NTM: variants seen among roughly 807,000 people sequenced by gnomAD.
NTM encodes the protein IgLON family member 2.
A neutral mutation model predicts 42.1 loss-of-function variants in NTM; 13 were observed. The ratio of observed to expected loss-of-function variants is 0.31; its 90% CI spans 0.20 to 0.49. The LOEUF (loss-of-function observed/expected upper bound fraction) is 0.49. Among genes scored for constraint, NTM ranks in the 20% least tolerant of loss-of-function variants. The probability of loss-of-function intolerance (pLI) is 0.99; values close to 1 mark genes in which losing one functional copy is unlikely to be tolerated. For synonymous variants in NTM, 187 were observed against 179.2 expected (o/e 1.04, Z -0.35); for missense variants, 373 against 452.8 (o/e 0.82, Z 1.60).
At chr11:131,487,101 C>G (rs928618590) in intron 1 of NTM, among the ~76,000 whole-genome samples, 1 of 152,222 alleles carries the variant, frequency 6.6e-6, no homozygotes, top group Non-Finnish European at 1.5e-5. Context: ...GGCTCCACCA[C>G]CAGGAGGGCC....
At chr11:132,060,207 C>A (rs1230472288) in intron 2 of NTM, among the ~76,000 whole-genome samples, 1 of 152,220 alleles carries the variant, frequency 6.6e-6, no homozygotes, top group African/African-American at 2.4e-5. Flanking sequence ...AATACATCCA[C>A]CCCCTGGGCT....
intron 2 of NTM, among the ~76,000 whole-genome samples, chr11:132,096,088 A>G (rs934412525): frequency 6.6e-5 from 10 of 152,282 alleles, no homozygotes; most frequent in Admixed American, 5.9e-4. Context: ...CCTCAGTGAC[A>G]GATTCTGTCT....
At chr11:131,852,442 T>G (rs1272997832) in intron 1 of NTM, among the ~76,000 whole-genome samples, 2 of 152,324 alleles carry the variant, frequency 1.3e-5, no homozygotes, top group African/African-American at 2.4e-5. Context: ...ATTTCTTCAC[T>G]GCATTTTGAA....
At chr11:131,436,305 G>C (rs1565498251) in intron 1 of NTM, among the ~76,000 whole-genome samples, 1 of 151,608 alleles carries the variant, frequency 6.6e-6, no homozygotes, top group East Asian at 1.9e-4. Flanking sequence ...GGCCTCATGA[G>C]TTAGGGAGGA....
At chr11:132,008,653 C>G (rs1488160359) in intron 2 of NTM, among the ~76,000 whole-genome samples, 2 of 151,826 alleles carry the variant, frequency 1.3e-5, no homozygotes, top group Non-Finnish European at 2.9e-5. Flanking sequence ...CAAATGCTCC[C>G]CATTTCCCCC....
chr11:131,648,556 A>C (rs1448738616), intron 1 of NTM, among the ~76,000 whole-genome samples: 1 of 152,210 alleles, frequency 6.6e-6, no homozygotes, highest in Non-Finnish European at 1.5e-5. Context: ...ATGAGATGGT[A>C]TCTCATTGTG....
intron 1 of NTM, among the ~76,000 whole-genome samples, chr11:131,841,854 G>T (rs548309600): frequency 1.3e-5 from 2 of 152,306 alleles, no homozygotes; most frequent in African/African-American, 4.8e-5. Context: ...GGGACTGAAA[G>T]AGCGTGTCCC....
At position 132,003,306 on chromosome 11, in the gene NTM, C is replaced by T. The variant is rs910144644; in HGVS notation, c.167+91658C>T. 2.0e-5 allele frequency among the ~76,000 whole-genome samples: 3 copies of T among 150,862 alleles called. No individual in the cohort carries two copies. Among genetic ancestry groups the T allele is most frequent in the Admixed American group, 6.6e-5 (1 of 15,116 alleles). ...TGTTGCCCAGGTTGGAGTGCAGTGA[C>T]GCAATCACAGCTTACTGCAGCCTCA... On this transcript the variant is annotated intron_variant, in intron 2 of 8. Coordinates refer to ENST00000683400, the MANE Select transcript of NTM (RefSeq NM_001352005.2). This position sits in a 1 kb window ranked among gnomAD's most constrained non-coding sequence, Gnocchi z 6.0.
chr11:131,457,431 A>G (rs1237835926), intron 1 of NTM, among the ~76,000 whole-genome samples: 1 of 152,170 alleles, frequency 6.6e-6, no homozygotes, highest in East Asian at 1.9e-4. Flanking sequence ...CAGGTCAGAG[A>G]GAGGCTGGCA....
intron 1 of NTM, among the ~76,000 whole-genome samples, chr11:131,626,247 G>C (rs1387936833): frequency 6.6e-6 from 1 of 152,118 alleles, no homozygotes; most frequent in Non-Finnish European, 1.5e-5. Context: ...TAAGTGTACT[G>C]AGACACTTCT....
At chr11:131,611,148 G>A (rs150077022) in intron 1 of NTM, among the ~76,000 whole-genome samples, 46 of 152,256 alleles carry the variant, frequency 3.0e-4, no homozygotes, top group South Asian at 2.3e-3. Context: ...CTGAAGTGAC[G>A]CTTTGGGTTT....
chr11:132,214,353 T>A (rs925495076), intron 4 of NTM, among the ~76,000 whole-genome samples: 1 of 152,260 alleles, frequency 6.6e-6, no homozygotes, highest in Non-Finnish European at 1.5e-5. Flanking sequence ...GTAAGCTTCC[T>A]GTGCCTGATG....
chr11:131,958,907 T>C (rs1280437269), intron 2 of NTM, among the ~76,000 whole-genome samples: 3 of 152,194 alleles, frequency 2.0e-5, no homozygotes, highest in African/African-American at 7.2e-5. Context: ...CTGTGGCCTA[T>C]TCAAGAATGG....
At chr11:132,316,015 G>A (rs2095419344) in intron 7 of NTM, among the ~76,000 whole-genome samples, 1 of 151,722 alleles carries the variant, frequency 6.6e-6, no homozygotes, top group Non-Finnish European at 1.5e-5. Context: ...TCCTTCCCTT[G>A]CTTTGCAAAT....
chr11:131,776,811 A>G (rs2087074625), intron 1 of NTM, among the ~76,000 whole-genome samples: 2 of 152,290 alleles, frequency 1.3e-5, no homozygotes, highest in South Asian at 4.1e-4. Flanking sequence ...TGACTCCACT[A>G]TGCACTAGAG....
intron 2 of NTM, among the ~76,000 whole-genome samples, chr11:132,135,075 C>T (rs901574284): frequency 5.3e-5 from 8 of 152,142 alleles, no homozygotes. Context: ...GAATGTCCCT[C>T]GTTAGTACCT....
intron 2 of NTM, among the ~76,000 whole-genome samples, chr11:131,973,083 G>A (rs921854648): frequency 6.6e-6 from 1 of 152,210 alleles, no homozygotes; most frequent in African/African-American, 2.4e-5. Context: ...AAATGTATTA[G>A]AATGACTCCA....
rs185248893 is a variant in NTM at position 131,470,866 on chromosome 11, T to G, written c.82+99978T>G. Among the ~76,000 whole-genome samples, 484 of 152,316 alleles carry G rather than the reference T, an allele frequency of 3.2e-3. 1 individual carries two copies. The highest frequency in any genetic ancestry group is 5.2e-3 in the Non-Finnish European group (357 of 68,024). ...TGTCAAGCCAGAGGCAGAGAAGTGATGCCTATGAACACTTGCATTTCCACG... is the reference window on the plus strand; with the variant it reads ...TGTCAAGCCAGAGGCAGAGAAGTGAGGCCTATGAACACTTGCATTTCCACG... On this transcript the variant is annotated intron_variant, in intron 1 of 8. Coordinates refer to ENST00000683400, the MANE Select transcript of NTM (RefSeq NM_001352005.2).
At chr11:132,145,369 T>G (rs894780409) in intron 2 of NTM, among the ~76,000 whole-genome samples, 8 of 151,278 alleles carry the variant, frequency 5.3e-5, no homozygotes, top group Non-Finnish European at 1.0e-4. Context: ...TGCTACATTG[T>G]TATTTCCAGC....
Sources: allele counts gnomAD v4.1 joint callset (sites outside exome capture counted in the v4.1 genomes callset), GRCh38; gene constraint gnomAD v4.1.1; non-coding constraint Gnocchi (gnomAD v3.1); transcripts MANE v1.5; gene names NCBI Gene and HGNC (gene_info 2026-07-23, HGNC 2026-07-21).